CCDC40: variants seen among roughly 807,000 people sequenced by gnomAD.
CCDC40 encodes coiled-coil domain 40 molecular ruler complex subunit, also known as coiled-coil domain-containing protein 40.
CCDC40 carries 104 observed loss-of-function variants against 124.5 expected under a neutral mutation model. The observed-to-expected ratio is 0.84, with a 90% CI of 0.71 to 0.98. The LOEUF (loss-of-function observed/expected upper bound fraction) is 0.98, where lower values mean the gene tolerates loss of function less well. Ranked by LOEUF, CCDC40 falls within the 50% of genes least tolerant of loss-of-function variation. The probability of loss-of-function intolerance (pLI) is 0.00; values close to 1 mark genes in which losing one functional copy is unlikely to be tolerated. For missense variants in CCDC40, 1,463 were observed against 1,503.9 expected (o/e 0.97, Z 0.45); for synonymous variants, 580 against 602.9 (o/e 0.96, Z 0.56).
At chr17:80,059,115 T>C (rs1416658881) in intron 9 of CCDC40, 135 bp downstream of exon 9, 3 of 1,155,178 alleles carry the variant, frequency 2.6e-6, no homozygotes, top group Non-Finnish European at 3.8e-6. Context: ...TCTGCAAACA[T>C]CGGGCCCTCC....
At chr17:80,094,869 C>T (rs2038779819) in intron 17 of CCDC40, among the ~76,000 whole-genome samples, 1 of 151,988 alleles carries the variant, frequency 6.6e-6, no homozygotes, top group Non-Finnish European at 1.5e-5. Flanking sequence ...CCACCCAAGC[C>T]AAGGTGCATT....
In CCDC40 at chr17:80,095,469, G is replaced by A. The variant is rs765332842; in HGVS notation, c.3021+18G>A. The A allele has an allele frequency of 8.7e-6, 14 of 1,612,272 alleles. No individual in the cohort carries two copies. The South Asian group carries it at 1.3e-4, about 15-fold the overall frequency. On this transcript the variant is annotated intron_variant, in intron 18 of 19. Transcript: ENST00000397545. ...TTCGCAAGGTAGGGAGCAGCGGAAA[G>A]GAAACAGGGCGCCTGCTCCTCTCTC...
chr17:80,095,106 A>G (rs1452962431), intron 17 of CCDC40, among the ~76,000 whole-genome samples, 157 bp from the exon 18 acceptor site: 2 of 152,082 alleles, frequency 1.3e-5, no homozygotes, highest in Non-Finnish European at 2.9e-5. Context: ...TGCTGCCTCC[A>G]TGTCCCTTGT....
intron 7 of CCDC40, among the ~76,000 whole-genome samples, chr17:80,053,729 A>C (rs2037664810): frequency 6.6e-6 from 1 of 152,124 alleles, no homozygotes; most frequent in Admixed American, 6.5e-5. Context: ...AGTAGCTGGG[A>C]CTACAGGGGC....
chr17:80,054,112 C>G (rs2037676991), intron 7 of CCDC40, among the ~76,000 whole-genome samples: 1 of 151,348 alleles, frequency 6.6e-6, no homozygotes, highest in East Asian at 1.9e-4. Flanking sequence ...AAAGCAGAAG[C>G]TGATGAAATA....
chr17:80,090,732 G>A, intron 17 of CCDC40: 5 of 1,399,472 alleles, frequency 3.6e-6, no homozygotes, highest in Non-Finnish European at 4.6e-6. Flanking sequence ...AATTGCAAGT[G>A]GTCATCAAGC....
At chr17:80,038,348 T>C (rs2143570910) in intron 2 of CCDC40, among the ~76,000 whole-genome samples, 162 bp downstream of exon 2, 1 of 151,718 alleles carries the variant, frequency 6.6e-6, no homozygotes, top group South Asian at 2.1e-4. Flanking sequence ...CTGGCCAACA[T>C]GGTAAAACCC....
intron 17 of CCDC40, among the ~76,000 whole-genome samples, chr17:80,094,705 A>T (rs10871501): frequency 0.66 from 100,018 of 151,580 alleles, 33,313 homozygotes; most frequent in Middle Eastern, 0.79. Flanking sequence ...AAAAATTTTT[A>T]AAAAAGCACA....
intron 12 of CCDC40, 50 bp downstream of exon 12, chr17:80,082,108 G>A: frequency 6.4e-7 from 1 of 1,565,272 alleles, no homozygotes; most frequent in South Asian, 1.1e-5. Flanking sequence ...TGCAGCCTGG[G>A]CATATGAGGG....
At position 80,084,835 on chromosome 17, in the gene CCDC40, C is replaced by G. The variant is rs2038542873; in HGVS notation, c.2082C>G (p.Thr694=). 6.2e-7 allele frequency: 1 copy of G among 1,614,184 alleles called. No individual in the cohort carries two copies. The highest frequency in any genetic ancestry group is 1.3e-5 in the African/African-American group (1 of 75,054). The change falls in exon 13 of 20, where the codon ACC becomes ACG. Residue 694 remains threonine (T), a synonymous_variant. Transcript: ENST00000397545. ...TSSRLDAHQK[T]LVELDQDVKK... is the part of the protein sequence containing the mutation. ...GCAGGCTGGACGCACACCAGAAGAC[C>G]CTGGTGGAGCTGGACCAGGACGTGA... is the stretch of plus-strand genomic sequence containing the variant.
At chr17:80,044,381 A>G (rs2037358722) in intron 3 of CCDC40, among the ~76,000 whole-genome samples, 1 of 152,214 alleles carries the variant, frequency 6.6e-6, no homozygotes, top group Non-Finnish European at 1.5e-5. Flanking sequence ...ATCTTATTTT[A>G]AGAATTTATC....
At chr17:80,097,479 CTG>C in intron 19 of CCDC40, 76 bp downstream of exon 19, 1 of 1,519,292 alleles carries the variant, frequency 6.6e-7, no homozygotes. Context: ...TGCGTCCCCT[CTG>C]TGCGAGTCAC....
At chr17:80,065,356 T>C in intron 9 of CCDC40, 129 bp from the exon 10 acceptor site, 1 of 1,269,722 alleles carries the variant, frequency 7.9e-7, no homozygotes, top group South Asian at 1.2e-5. Context: ...TGCAGATGCA[T>C]GATCAAGGAA....
intron 17 of CCDC40, among the ~76,000 whole-genome samples, chr17:80,091,494 G>C (rs1047361864): frequency 1.3e-5 from 2 of 152,016 alleles, no homozygotes; most frequent in Admixed American, 6.6e-5. Context: ...AGGAGGCAAC[G>C]GTGTCATCCC....
At position 80,082,782 on chromosome 17, in the gene CCDC40, G is replaced by A. The variant is rs944564358; in HGVS notation, c.1989+724G>A. On this transcript the variant is annotated intron_variant, in intron 12 of 19. Transcript: ENST00000397545. ...ATCCCCAGGCCCCCGGGCCCCCGCC[G>A]AGCCCCTGTCTGGGCAGCCCGATAG... Among the ~76,000 whole-genome samples the A allele has an allele frequency of 2.6e-5, 4 of 152,192 alleles. No homozygotes were observed. The East Asian group carries it at 5.8e-4, about 22-fold the overall frequency.
intron 17 of CCDC40, 135 bp downstream of exon 17, chr17:80,090,019 G>GT: frequency 6.5e-7 from 1 of 1,539,022 alleles, no homozygotes; most frequent in East Asian, 2.4e-5. Flanking sequence ...TGGTGGCAAT[G>GT]GGTGAGATTT....
chr17:80,051,978 G>A (rs981776386), intron 7 of CCDC40, among the ~76,000 whole-genome samples: 1 of 147,484 alleles, frequency 6.8e-6, no homozygotes, highest in African/African-American at 2.4e-5. Context: ...ACCCAGCAAG[G>A]CCTGCGTCAA....
In CCDC40 at chr17:80,087,776, G is replaced by T. The variant is rs768156560; in HGVS notation, c.2619G>T (p.Lys873Asn). 6.2e-7 allele frequency: 1 copy of T among 1,614,004 alleles called. No homozygotes were observed. The highest frequency in any genetic ancestry group is 8.5e-7 in the Non-Finnish European group (1 of 1,179,924). ...VTENEFVRSL[K>N]ASERETIKMQ... ...AGAATGAGTTCGTGCGCTCGCTGAA[G>T]GTCCGGCCGTGTCCACGCAGTCCCG... The change falls in exon 15 of 20, where the codon AAG (lysine) becomes AAT (asparagine). Residue 873 changes from lysine (K) to asparagine (N), a missense_variant and splice_region_variant. Transcript: ENST00000397545. The surrounding 1 kb of genome is among the most constrained non-coding windows in gnomAD (Gnocchi z 4.5).
At chr17:80,083,245 G>A (rs1470627835) in intron 12 of CCDC40, among the ~76,000 whole-genome samples, 1 of 151,908 alleles carries the variant, frequency 6.6e-6, no homozygotes. Context: ...GTCCTTGGGG[G>A]GCCCAGATCT....
Sources: allele counts gnomAD v4.1 joint callset (sites outside exome capture counted in the v4.1 genomes callset), GRCh38; gene constraint gnomAD v4.1.1; non-coding constraint Gnocchi (gnomAD v3.1); transcripts MANE v1.5; gene names NCBI Gene and HGNC (gene_info 2026-07-23, HGNC 2026-07-21).